EPM2A: variants seen among roughly 807,000 people sequenced by gnomAD.
EPM2A encodes laforin.
In EPM2A, 21 loss-of-function variants were observed where a neutral mutation model predicts 26.5. That is an observed-to-expected ratio of 0.79 (90% confidence interval 0.56 to 1.14). The LOEUF is 1.14. Among genes scored for constraint, EPM2A ranks in the 50% most tolerant of loss-of-function variants. The pLI, the probability that EPM2A is intolerant of heterozygous loss-of-function variation, is 0.00. For missense variants in EPM2A, 458 were observed against 440.8 expected (o/e 1.04, Z -0.35); for synonymous variants, 217 against 177.6 (o/e 1.22, Z -1.76).
intron 2 of EPM2A, among the ~76,000 whole-genome samples, chr6:145,613,144 TGTC>T (rs1177928946): frequency 9.9e-5 from 15 of 152,226 alleles, no homozygotes; most frequent in Non-Finnish European, 4.4e-5. Flanking sequence ...AATCATTTGT[TGTC>T]GTTTCCACAA....
At chr6:145,522,739 G>A (rs1416200407) in intron 2 of EPM2A, among the ~76,000 whole-genome samples, 1 of 152,140 alleles carries the variant, frequency 6.6e-6, no homozygotes, top group Non-Finnish European at 1.5e-5. Flanking sequence ...CAGAATAGCT[G>A]CTTATTATCT....
chr6:145,405,649 G>A (rs1350947124), intron 4 of EPM2A, among the ~76,000 whole-genome samples: 2 of 152,032 alleles, frequency 1.3e-5, no homozygotes, highest in African/African-American at 2.4e-5. Context: ...CAAGAATCAG[G>A]ATTATTACTT....
intron 2 of EPM2A, among the ~76,000 whole-genome samples, chr6:145,576,022 G>A (rs1250294168): frequency 1.3e-5 from 2 of 152,166 alleles, no homozygotes. Context: ...TTTCAGTAAA[G>A]ATGGAGTTTC....
intron 2 of EPM2A, among the ~76,000 whole-genome samples, chr6:145,618,643 C>T (rs1189539667): frequency 6.6e-6 from 1 of 152,198 alleles, no homozygotes; most frequent in East Asian, 1.9e-4. Context: ...GTGGTGTTTG[C>T]TTCTCCTTCT....
intron 4 of EPM2A, among the ~76,000 whole-genome samples, chr6:145,480,952 G>A (rs1779605253): frequency 6.6e-6 from 1 of 152,086 alleles, no homozygotes; most frequent in South Asian, 2.1e-4. Context: ...AAACCTATGA[G>A]TCTAAACTGG....
intron 2 of EPM2A, chr6:145,680,221 A>G (rs535309289): frequency 6.6e-6 from 1 of 151,970 alleles, no homozygotes; most frequent in African/African-American, 2.4e-5. Context: ...TAGATCTGAT[A>G]AATTCTTTAA....
chr6:145,724,155 A>C (rs1328195455), intron 1 of EPM2A, among the ~76,000 whole-genome samples: 1 of 152,108 alleles, frequency 6.6e-6, no homozygotes, highest in East Asian at 1.9e-4. Flanking sequence ...GGAACCTTAC[A>C]TAGAACAAGC....
intron 4 of EPM2A, among the ~76,000 whole-genome samples, chr6:145,410,703 G>T (rs543499415): frequency 1.3e-5 from 2 of 152,310 alleles, no homozygotes; most frequent in East Asian, 3.9e-4. Flanking sequence ...CTAATGGTGA[G>T]AAACAGAGAA....
intron 4 of EPM2A, among the ~76,000 whole-genome samples, chr6:145,427,521 T>C (rs575037073): frequency 1.3e-5 from 2 of 152,142 alleles, no homozygotes; most frequent in East Asian, 3.9e-4. Context: ...TCACAGTGCG[T>C]CTCCTAGAAA....
intron 2 of EPM2A, among the ~76,000 whole-genome samples, chr6:145,644,910 G>T (rs1475615248): frequency 6.6e-6 from 1 of 152,122 alleles, no homozygotes; most frequent in East Asian, 1.9e-4. Flanking sequence ...AGTAATACTT[G>T]ATCTATTTAC....
chr6:145,734,451 A>G (rs950768608), intron 1 of EPM2A: 1 of 152,072 alleles, frequency 6.6e-6, no homozygotes, highest in Non-Finnish European at 1.5e-5. Flanking sequence ...CACTATGTAC[A>G]TTTCTTTATT....
rs9497353 is a variant in EPM2A at position 145,579,617 on chromosome 6, G to A, written c.340+55628C>T. On this transcript the variant is annotated intron_variant, in intron 2 of 3. Transcript: ENST00000450221. ...TTCTCTTAAAAGTGCCTTTTTTATAGGCAACAAAATTGGGTTTGACAATAT... is the reference window on the plus strand; with the variant it reads ...TTCTCTTAAAAGTGCCTTTTTTATAAGCAACAAAATTGGGTTTGACAATAT... Among the ~76,000 whole-genome samples, 795 of 151,978 alleles carry A rather than the reference G, an allele frequency of 5.2e-3. 4 individuals are homozygous for A. Among genetic ancestry groups the A allele is most frequent in the African/African-American group, 0.018 (761 of 41,450 alleles).
intron 1 of EPM2A, among the ~76,000 whole-genome samples, chr6:145,714,455 A>T (rs1056532339): frequency 6.6e-6 from 1 of 152,232 alleles, no homozygotes; most frequent in African/African-American, 2.4e-5. Context: ...TCATAAAAAC[A>T]TCACCAAACT....
chr6:145,661,223 T>A (rs938806246), intron 2 of EPM2A, among the ~76,000 whole-genome samples: 1 of 152,218 alleles, frequency 6.6e-6, no homozygotes. Flanking sequence ...TTTCACAATC[T>A]GCAGTTCACC....
chr6:145,610,230 A>T (rs1210105487), intron 2 of EPM2A, among the ~76,000 whole-genome samples: 2 of 151,766 alleles, frequency 1.3e-5, no homozygotes, highest in African/African-American at 4.8e-5. Flanking sequence ...AAAAAAAAAA[A>T]TTTGGAGAGA....
intron 4 of EPM2A, among the ~76,000 whole-genome samples, chr6:145,399,068 A>G (rs1448275053): frequency 6.6e-6 from 1 of 152,166 alleles, no homozygotes; most frequent in Non-Finnish European, 1.5e-5. Context: ...TACTGGGTAG[A>G]CAGATAACAC....
At chr6:145,433,569 TA>T (rs540461737) in intron 4 of EPM2A, among the ~76,000 whole-genome samples, 2 of 152,180 alleles carry the variant, frequency 1.3e-5, no homozygotes, top group Non-Finnish European at 2.9e-5. Flanking sequence ...TAGCTATATT[TA>T]AATGGACCTT....
Position 145,682,222 on chromosome 6 carries a change from T to G in EPM2A, c.476+3900A>C, listed in dbSNP as rs551516836. On this transcript the variant is annotated intron_variant, in intron 2 of 3. Transcript: ENST00000367519. The stretch of plus-strand genomic sequence containing the variant: ...GAGAGAGCATGTGCAGGGAAACTCC[T>G]CCTTATAAAACCATCAGATCTCATG... 7.2e-5 allele frequency among the ~76,000 whole-genome samples: 11 copies of G among 152,224 alleles called. No homozygotes were observed. The East Asian group carries it at 2.1e-3, about 29-fold the overall frequency.
At chr6:145,505,328 C>G (rs1319526308) in intron 2 of EPM2A, among the ~76,000 whole-genome samples, 2 of 151,936 alleles carry the variant, frequency 1.3e-5, no homozygotes, top group African/African-American at 4.8e-5. Flanking sequence ...GTATATCTAT[C>G]TAGATCTCCT....
Sources: allele counts gnomAD v4.1 joint callset (sites outside exome capture counted in the v4.1 genomes callset), GRCh38; gene constraint gnomAD v4.1.1; transcripts MANE v1.5; gene names NCBI Gene and HGNC (gene_info 2026-07-23, HGNC 2026-07-21).